Variants in COL23A1 observed in about 807,000 individuals in gnomAD.
COL23A1 encodes collagen alpha-1(XXIII) chain.
COL23A1 carries 97 observed loss-of-function variants against 99.3 expected under a neutral mutation model. The observed-to-expected ratio is 0.98, with a 90% CI of 0.83 to 1.16. The LOEUF (loss-of-function observed/expected upper bound fraction) is 1.16, where lower values mean the gene tolerates loss of function less well. Among genes scored for constraint, COL23A1 ranks in the 50% most tolerant of loss-of-function variants. The pLI is 0.00. For missense variants in COL23A1, 762 were observed against 757.4 expected (o/e 1.01, Z -0.07); for synonymous variants, 320 against 308.2 (o/e 1.04, Z -0.40).
intron 2 of COL23A1, among the ~76,000 whole-genome samples, chr5:178,450,167 C>T (rs1767404142): frequency 6.6e-6 from 1 of 152,302 alleles, no homozygotes; most frequent in South Asian, 2.1e-4. Context: ...ATCCAGCAAG[C>T]AGCCCTAGGT....
At chr5:178,291,339 G>C (rs1237127736) in intron 3 of COL23A1, among the ~76,000 whole-genome samples, 1 of 152,226 alleles carries the variant, frequency 6.6e-6, no homozygotes, top group East Asian at 1.9e-4. Context: ...AAGAGCCCTG[G>C]CTCATGAATG....
At chr5:178,553,856 GTCTCTTCTCCCTTCC>G (rs1462229847) in intron 2 of COL23A1, among the ~76,000 whole-genome samples, 1 of 152,168 alleles carries the variant, frequency 6.6e-6, no homozygotes, top group African/African-American at 2.4e-5. Flanking sequence ...CCTACTCTGT[GTCTCTTCTCCCTTCC>G]TCTCTGGCAG....
chr5:178,247,383 G>T (rs1340238455), intron 22 of COL23A1, 143 bp downstream of exon 22: 5 of 868,966 alleles, frequency 5.8e-6, no homozygotes, highest in Non-Finnish European at 9.1e-6. Context: ...ATGCCCTGGG[G>T]ACTTGGGACG....
chr5:178,338,461 G>A (rs748446346), intron 2 of COL23A1, among the ~76,000 whole-genome samples: 4 of 152,156 alleles, frequency 2.6e-5, no homozygotes, highest in African/African-American at 4.8e-5. Flanking sequence ...TCAGGTGCAA[G>A]CTGGGGCGCC....
chr5:178,560,996 C>T (rs1350272951), intron 1 of COL23A1, among the ~76,000 whole-genome samples: 1 of 152,192 alleles, frequency 6.6e-6, no homozygotes, highest in Non-Finnish European at 1.5e-5. Flanking sequence ...TGCTTTGTTA[C>T]AGCATTTTCA....
intron 3 of COL23A1, among the ~76,000 whole-genome samples, chr5:178,305,539 G>A (rs759103832): frequency 2.6e-5 from 4 of 152,236 alleles, no homozygotes; most frequent in African/African-American, 7.2e-5. Flanking sequence ...GGGGCTGCCC[G>A]TGCTGAGTGT....
At chr5:178,587,483 T>C (rs1764061987) in intron 1 of COL23A1, among the ~76,000 whole-genome samples, 2 of 152,156 alleles carry the variant, frequency 1.3e-5, no homozygotes, top group South Asian at 4.1e-4. Context: ...TAAAGCCATG[T>C]ATGGTTGGCA....
chr5:178,311,505 T>C (rs1034093513), intron 2 of COL23A1, among the ~76,000 whole-genome samples: 34 of 9,648 alleles, frequency 3.5e-3, no homozygotes, highest in South Asian at 5.8e-3. Flanking sequence ...TGTGTGTGTG[T>C]GCGCGTGTGT....
chr5:178,449,510 T>C (rs1362348110), intron 2 of COL23A1, among the ~76,000 whole-genome samples: 1 of 152,138 alleles, frequency 6.6e-6, no homozygotes, highest in African/African-American at 2.4e-5. Flanking sequence ...TGAATAAAGC[T>C]GTTTTCTATG....
chr5:178,391,486 C>T (rs1043068347), intron 2 of COL23A1, among the ~76,000 whole-genome samples: 2 of 152,168 alleles, frequency 1.3e-5, no homozygotes, highest in Non-Finnish European at 1.5e-5. Flanking sequence ...ACATAGGAAA[C>T]GTCATTAGAC....
intron 2 of COL23A1, among the ~76,000 whole-genome samples, chr5:178,500,313 T>G (rs1054451035): frequency 2.7e-5 from 4 of 147,780 alleles, no homozygotes; most frequent in Admixed American, 7.0e-5. Context: ...TGAGGCTGAG[T>G]GTGGTAGCTT....
chr5:178,312,537 T>G (rs1433285224), intron 2 of COL23A1, among the ~76,000 whole-genome samples: 1 of 152,216 alleles, frequency 6.6e-6, no homozygotes, highest in Admixed American at 6.5e-5. Flanking sequence ...CTCTGAGGCC[T>G]GAGCTGCAAG....
At chr5:178,475,268 A>C (rs537714208) in intron 2 of COL23A1, among the ~76,000 whole-genome samples, 1 of 152,350 alleles carries the variant, frequency 6.6e-6, no homozygotes, top group East Asian at 1.9e-4. Context: ...TTTAACACAT[A>C]ACATGTGTTT....
intron 8 of COL23A1, among the ~76,000 whole-genome samples, chr5:178,264,003 G>A (rs1360247085): frequency 6.6e-6 from 1 of 152,162 alleles, no homozygotes; most frequent in East Asian, 1.9e-4. Context: ...CTCTTGAAAT[G>A]GCAACATTGA....
chr5:178,380,221 G>T, intron 2 of COL23A1, among the ~76,000 whole-genome samples: 1 of 152,204 alleles, frequency 6.6e-6, no homozygotes, highest in East Asian at 1.9e-4. Context: ...TTGCTGCCTA[G>T]TGTTGGAGCA....
At chr5:178,491,949 G>C (rs954115051) in intron 2 of COL23A1, among the ~76,000 whole-genome samples, 10 of 152,072 alleles carry the variant, frequency 6.6e-5, no homozygotes, top group Non-Finnish European at 1.3e-4. Flanking sequence ...TGGCCAGGCT[G>C]GTCTTGAACT....
intron 2 of COL23A1, among the ~76,000 whole-genome samples, chr5:178,332,790 A>T (rs1760103525): frequency 6.6e-6 from 1 of 152,040 alleles, no homozygotes; most frequent in Admixed American, 6.6e-5. Flanking sequence ...CACCAGGAGT[A>T]GGGGACTGTG....
chr5:178,440,214 G>T (rs1766786618), intron 2 of COL23A1, among the ~76,000 whole-genome samples: 1 of 152,206 alleles, frequency 6.6e-6, no homozygotes, highest in Non-Finnish European at 1.5e-5. Flanking sequence ...ACACAGGAGA[G>T]AGTACAGCAT....
chr5:178,325,036 C>T (rs1450967528), intron 2 of COL23A1, among the ~76,000 whole-genome samples: 1 of 151,908 alleles, frequency 6.6e-6, no homozygotes, highest in Non-Finnish European at 1.5e-5. Flanking sequence ...CTATTCCCAG[C>T]TTTGCAGCTG....
Sources: allele counts gnomAD v4.1 joint callset (sites outside exome capture counted in the v4.1 genomes callset), GRCh38; gene constraint gnomAD v4.1.1; transcripts MANE v1.5; gene names NCBI Gene and HGNC (gene_info 2026-07-23, HGNC 2026-07-21).